The following FHAD1 variants were observed in gnomAD, a reference collection of about 807,000 sequenced individuals.
FHAD1 encodes the protein forkhead associated phosphopeptide binding domain 1.
In FHAD1, 146 loss-of-function variants were observed where a neutral mutation model predicts 191.3. The observed-to-expected ratio is 0.76, with a 90% CI of 0.67 to 0.88. FHAD1 has a LOEUF of 0.88. Ranked by LOEUF, FHAD1 falls within the 40% of genes least tolerant of loss-of-function variation. The pLI is 0.00. For synonymous variants in FHAD1, 616 were observed against 672.3 expected, an observed-to-expected ratio of 0.92 and a Z score of 1.29; for missense variants, 1,635 against 1,785.8, an observed-to-expected ratio of 0.92 and a Z score of 1.52.
At chr1:15,274,943 T>C (rs143745403) in intron 3 of FHAD1, among the ~76,000 whole-genome samples, 64 of 152,218 alleles carry the variant, frequency 4.2e-4, no homozygotes, top group African/African-American at 1.4e-3. Flanking sequence ...TATCATCAAC[T>C]GGTTTTCAAA....
intron 19 of FHAD1, among the ~76,000 whole-genome samples, chr1:15,351,436 A>G (rs7532826): frequency 0.49 from 75,154 of 152,014 alleles, 18,977 homozygotes; most frequent in African/African-American, 0.59. Flanking sequence ...GAGGCCGAGT[A>G]GTTAAGGCAA....
chr1:15,283,604 C>T (rs1179401657), intron 3 of FHAD1, among the ~76,000 whole-genome samples: 4 of 152,206 alleles, frequency 2.6e-5, no homozygotes, highest in African/African-American at 9.6e-5. Context: ...GAATTCTCAA[C>T]ATTTACTCAT....
intron 2 of FHAD1, 136 bp downstream of exon 2, chr1:15,252,013 T>C: frequency 1.4e-6 from 1 of 737,774 alleles, no homozygotes; most frequent in Admixed American, 2.9e-5. Context: ...TTCCTTGGTG[T>C]GCTACCAATA....
chr1:15,259,768 G>A lies in FHAD1; in HGVS notation c.93+7891G>A, dbSNP rs144446558. On this transcript the variant is annotated intron_variant, in intron 2 of 33. Coordinates refer to ENST00000688493, the MANE Select transcript of FHAD1 (RefSeq NM_001391957.1). ...GCTGAGGGCTGCGTGGATGACCCAC[G>A]AGGATCCTGTCTCAGGTGTCGGGGA... Among the ~76,000 whole-genome samples, 864 of 152,282 alleles carry A rather than the reference G, an allele frequency of 5.7e-3. 4 individuals are homozygous for A. Among genetic ancestry groups the A allele is most frequent in the African/African-American group, 0.019 (781 of 41,556 alleles).
At chr1:15,368,305 G>A (rs1697112551) in intron 25 of FHAD1, among the ~76,000 whole-genome samples, 1 of 152,032 alleles carries the variant, frequency 6.6e-6, no homozygotes, top group Admixed American at 6.6e-5. Flanking sequence ...CCCTCCCCAC[G>A]AGGACAGGGT....
At chr1:15,403,009 T>C (rs1019813528), downstream of FHAD1, 1 of 152,188 alleles carries the variant, frequency 6.6e-6, no homozygotes, top group African/African-American at 2.4e-5. Flanking sequence ...TTTATAAAAA[T>C]AGGAAGTGGG....
chr1:15,318,897 C>T lies in FHAD1; in HGVS notation c.1365+969C>T, dbSNP rs12063236. On this transcript the variant is annotated intron_variant, in intron 10 of 33. Coordinates refer to ENST00000688493, the MANE Select transcript of FHAD1 (RefSeq NM_001391957.1). This position sits in a 1 kb window ranked among gnomAD's most constrained non-coding sequence, Gnocchi z 4.1. ...TAATTTTTTTAACTGAAAATATCTT[C>T]GAGAGTCCTGAGCAGTGTGGACAGA... Among the ~76,000 whole-genome samples the T allele has an allele frequency of 0.019, 2,883 of 152,230 alleles. 82 individuals carry two copies. Among genetic ancestry groups the T allele is most frequent in the African/African-American group, 0.066 (2,720 of 41,522 alleles).
In FHAD1 at chr1:15,397,350, G is replaced by A. The variant is rs1706361674; in HGVS notation, c.4377G>A (p.Arg1459=). The part of the protein sequence containing the change: ...LKMDQEREML[R]KETSSKSSQS... ...TGGACCAAGAAAGAGAGATGCTGAGGAAAGAGACCTCCAGCAAGTCCAGCC... is the reference window on the plus strand; with the variant it reads ...TGGACCAAGAAAGAGAGATGCTGAGAAAAGAGACCTCCAGCAAGTCCAGCC... The change falls in exon 34 of 34, where the codon AGG becomes AGA. Residue 1459 remains arginine (R), a synonymous_variant. Coordinates refer to ENST00000688493, the MANE Select transcript of FHAD1 (RefSeq NM_001391957.1). The A allele has an allele frequency of 1.3e-6, 2 of 1,547,098 alleles. No homozygotes were observed. Among genetic ancestry groups the A allele is most frequent in the African/African-American group, 1.4e-5 (1 of 73,104 alleles).
In FHAD1 at chr1:15,327,143, G is replaced by C; in HGVS notation, c.1557+1G>C. On this transcript the variant is annotated splice_donor_variant, in intron 12 of 33. Coordinates refer to ENST00000688493, the MANE Select transcript of FHAD1 (RefSeq NM_001391957.1). LOFTEE classifies it high-confidence loss of function. The surrounding 1 kb of genome is among the most constrained non-coding windows in gnomAD (Gnocchi z 5.1). ...GGACAAGCCCGTCACCGACCAACAG[G>C]TTAGTCTGCCGTCCCTGCCACGTGG... 6.5e-7 allele frequency: 1 copy of C among 1,549,688 alleles called. No individual in the cohort carries two copies.
Position 15,289,622 on chromosome 1 carries a change from C to G in FHAD1, c.524C>G (p.Ser175Trp). Residue 175 changes from serine (S) to tryptophan (W), a missense_variant, in exon 4 of 34, where the codon TCG (serine) becomes TGG (tryptophan). Ser to Trp is a radical substitution (Grantham distance 177). Coordinates refer to ENST00000688493, the MANE Select transcript of FHAD1 (RefSeq NM_001391957.1). This position sits in a 1 kb window ranked among gnomAD's most constrained non-coding sequence, Gnocchi z 4.2. Reference protein sequence around the residue: ...RPVSANKEMFSFVVDDARKPP... With the variant: ...RPVSANKEMFWFVVDDARKPP... ...GTGAGCGCCAACAAGGAGATGTTCTCGTTCGTGGTGGACGACGCCCGCAAG... is the reference window on the plus strand; with the variant it reads ...GTGAGCGCCAACAAGGAGATGTTCTGGTTCGTGGTGGACGACGCCCGCAAG... The G allele has an allele frequency of 1.3e-6, 2 of 1,551,428 alleles. No individual in the cohort carries two copies. Among genetic ancestry groups the G allele is most frequent in the Non-Finnish European group, 1.7e-6 (2 of 1,146,722 alleles).
intron 7 of FHAD1, among the ~76,000 whole-genome samples, chr1:15,309,551 T>G (rs1005392753): frequency 6.6e-6 from 1 of 152,096 alleles, no homozygotes; most frequent in Non-Finnish European, 1.5e-5. Context: ...TGAAGGAGAA[T>G]AGCTTAGTGC....
intron 4 of FHAD1, among the ~76,000 whole-genome samples, chr1:15,295,721 G>A (rs1294363653): frequency 6.6e-6 from 1 of 152,106 alleles, no homozygotes; most frequent in Non-Finnish European, 1.5e-5. Flanking sequence ...CCACACATAT[G>A]GGGGGCCAGC....
At chr1:15,326,505 G>A (rs1407968388) in intron 11 of FHAD1, 2 of 152,208 alleles carry the variant, frequency 1.3e-5, no homozygotes, top group Non-Finnish European at 2.9e-5. Context: ...TCCAGCAAAG[G>A]TTAGTTGGGT....
intron 6 of FHAD1, chr1:15,305,904 G>T (rs1177183721): frequency 1.1e-5 from 3 of 264,960 alleles, no homozygotes; most frequent in Middle Eastern, 1.3e-3. Flanking sequence ...CAGTAAATTG[G>T]TACCAATAGA....
At chr1:15,324,900 AT>A in intron 11 of FHAD1, 1 of 318,942 alleles carries the variant, frequency 3.1e-6, no homozygotes, top group Non-Finnish European at 6.0e-6. Flanking sequence ...TAGTCCTGAC[AT>A]TTACCACAAT....
chr1:15,347,097 T>A (rs773486668), intron 18 of FHAD1, among the ~76,000 whole-genome samples: 1 of 152,242 alleles, frequency 6.6e-6, no homozygotes, highest in Admixed American at 6.5e-5. Context: ...GACGTTTACA[T>A]GTCGGTTCTC....
chr1:15,245,159 C>G (rs1047627250), upstream of FHAD1, among the ~76,000 whole-genome samples: 1 of 152,172 alleles, frequency 6.6e-6, no homozygotes, highest in Non-Finnish European at 1.5e-5. Context: ...CCCGCATGAT[C>G]CAAGCACCTC....
At chr1:15,275,187 C>T (rs1316229813) in intron 3 of FHAD1, among the ~76,000 whole-genome samples, 6 of 152,162 alleles carry the variant, frequency 3.9e-5, no homozygotes, top group Admixed American at 3.9e-4. Context: ...TGGTCTCGAT[C>T]TCCTGACCTC....
Position 15,397,610 on chromosome 1 carries a change from C to T in FHAD1, c.*197C>T. On this transcript the variant is annotated 3_prime_UTR_variant, in exon 34 of 34. Coordinates refer to ENST00000688493, the MANE Select transcript of FHAD1 (RefSeq NM_001391957.1). ...GGAGAAGGGTTCTTCTTTAAAAATA[C>T]CTATGAATGTACACGAACTCAGGTA... 5.2e-6 allele frequency: 2 copies of T among 383,200 alleles called. No individual in the cohort carries two copies. The allele number at this position is 383,200 out of a possible 1,614,324, so 23.7% of individuals were successfully genotyped here.
Sources: gnomAD v4.1 joint callset for allele counts (sites outside exome capture counted in the v4.1 genomes callset) on GRCh38, gnomAD v4.1.1 for gene constraint, Gnocchi (gnomAD v3.1) non-coding constraint, MANE v1.5 for transcripts, NCBI Gene and HGNC (gene_info 2026-07-23, HGNC 2026-07-21) for gene names.